MYH3: variants seen among roughly 807,000 people sequenced by gnomAD.
MYH3 encodes the protein myosin-3.
A neutral mutation model predicts 238.0 loss-of-function variants in MYH3; 130 were observed. The ratio of observed to expected loss-of-function variants is 0.55; its 90% CI spans 0.47 to 0.63. The LOEUF is 0.63. Among genes scored for constraint, MYH3 ranks in the 30% least tolerant of loss-of-function variants. MYH3 has a pLI of 0.00. For synonymous variants in MYH3, 880 were observed against 924.1 expected, an observed-to-expected ratio of 0.95 and a Z score of 0.86; for missense variants, 1,853 against 2,374.9, an observed-to-expected ratio of 0.78 and a Z score of 4.57.
chr17:10,652,512 C>A lies in MYH3; in HGVS notation c.256G>T (p.Asp86Tyr), dbSNP rs779714194. ...DVYAMNPPKF[D>Y]RIEDMAMLTH... ...AGCATGGCCATGTCTTCGATCCTGT[C>A]GAACTTGGGGGGGTTCATGGCGTAC... is the stretch of plus-strand genomic sequence containing the variant. Residue 86 changes from aspartate (D) to tyrosine (Y), a missense_variant, in exon 4 of 41, where the codon GAC becomes TAC. Physicochemically the swap from Asp to Tyr is radical, Grantham distance 160 (BLOSUM62 -3). This residue lies in a region of MYH3 where 131 missense variants were observed against 123.5 expected (regional missense o/e 1.06). Coordinates refer to ENST00000583535, the MANE Select transcript of MYH3 (RefSeq NM_002470.4). 6.2e-7 allele frequency: 1 copy of A among 1,609,826 alleles called. No homozygotes were observed. The highest frequency in any genetic ancestry group is 8.5e-7 in the Non-Finnish European group (1 of 1,178,030).
intron 4 of MYH3, 58 bp from the exon 5 acceptor site, chr17:10,651,726 C>A: frequency 6.3e-7 from 1 of 1,577,534 alleles, no homozygotes; most frequent in Non-Finnish European, 8.7e-7. Context: ...TGGAAAACCC[C>A]TTGCCTTTAT....
chr17:10,655,767 T>A (rs2074423102), intron 2 of MYH3, among the ~76,000 whole-genome samples: 1 of 152,140 alleles, frequency 6.6e-6, no homozygotes, highest in Admixed American at 6.5e-5. Flanking sequence ...TACTCCTGCC[T>A]CAGTCTCTTG....
chr17:10,640,044 C>A lies in MYH3; in HGVS notation c.2634G>T (p.Leu878=). Residue 878 remains leucine (L), a synonymous_variant, in exon 22 of 41, where the codon CTG becomes CTT. Coordinates refer to ENST00000583535, the MANE Select transcript of MYH3 (RefSeq NM_002470.4). The stretch of plus-strand genomic sequence containing the variant: ...CATTCTTCTCTTGGACCAGAGTCAC[C>A]AGTTTTTCCTCTAGCTCCTTCCTTT... ...EAKRKELEEK[L]VTLVQEKNDL... is the part of the protein sequence containing the mutation. 3.7e-6 allele frequency: 6 copies of A among 1,613,906 alleles called. No homozygotes were observed. The highest frequency in any genetic ancestry group is 5.1e-6 in the Non-Finnish European group (6 of 1,180,030).
At chr17:10,668,704 A>G in the MYH3 span, among the ~76,000 whole-genome samples, 3 of 152,204 alleles carry the variant, frequency 2.0e-5, no homozygotes, top group Non-Finnish European at 4.4e-5. Flanking sequence ...TTAGACTGAA[A>G]TATTTGGAGA....
upstream of MYH3, among the ~76,000 whole-genome samples, chr17:10,660,732 G>C (rs2074474844): frequency 6.6e-6 from 1 of 150,566 alleles, no homozygotes; most frequent in African/African-American, 2.5e-5. Flanking sequence ...TATAATCCCA[G>C]CACTTTGGGA....
intron 18 of MYH3, 35 bp downstream of exon 18, chr17:10,641,250 C>G: frequency 1.2e-6 from 2 of 1,610,810 alleles, no homozygotes; most frequent in Non-Finnish European, 8.5e-7. Flanking sequence ...TTCTTAAAAA[C>G]TGAGCACCAC....
chr17:10,633,809 T>C, intron 32 of MYH3, 94 bp from the exon 33 acceptor site: 1 of 1,566,800 alleles, frequency 6.4e-7, no homozygotes, highest in African/African-American at 1.4e-5. Context: ...CCTGGTTTAT[T>C]ATAATCCTAA....
chr17:10,667,331 G>A, the MYH3 span, among the ~76,000 whole-genome samples: 1 of 152,122 alleles, frequency 6.6e-6, no homozygotes, highest in Non-Finnish European at 1.5e-5. Flanking sequence ...TTATTGACAG[G>A]AGGCTAATTG....
intron 4 of MYH3, 34 bp downstream of exon 4, chr17:10,652,386 C>T (rs2074384926): frequency 1.2e-6 from 2 of 1,611,800 alleles, no homozygotes; most frequent in African/African-American, 1.3e-5. Flanking sequence ...ATATCTAATG[C>T]CCCAGGGAAA....
At chr17:10,653,173 T>C (rs972350428) in intron 3 of MYH3, among the ~76,000 whole-genome samples, 1 of 152,094 alleles carries the variant, frequency 6.6e-6, no homozygotes, top group African/African-American at 2.4e-5. Context: ...ATATGGGTGA[T>C]GGTGGCTGGG....
the MYH3 span, among the ~76,000 whole-genome samples, chr17:10,670,306 C>T: frequency 6.6e-6 from 1 of 152,358 alleles, no homozygotes; most frequent in East Asian, 1.9e-4. This position sits in a 1 kb window ranked among gnomAD's most constrained non-coding sequence, Gnocchi z 7.0. Context: ...CAGCACCCAA[C>T]ATTTGAGCCT....
At chr17:10,643,028 G>T (rs1169206141) in intron 14 of MYH3, 32 bp from the exon 15 acceptor site, 4 of 1,614,098 alleles carry the variant, frequency 2.5e-6, no homozygotes, top group African/African-American at 1.3e-5. Flanking sequence ...CATGTGAAAA[G>T]TTAGACTTCT....
At position 10,629,681 on chromosome 17, in the gene MYH3, C is replaced by T. The variant is rs764314073; in HGVS notation, c.5712G>A (p.Leu1904=). The stretch of plus-strand genomic sequence containing the variant: ...TATCCGCACGTTCCTCGGCCTCCTC[C>T]AGCTCATGCTGAGCCTTTCGGAATT... ...LTKFRKAQHE[L]EEAEERADIA... is the part of the protein sequence containing the mutation. Residue 1904 remains leucine (L), a synonymous_variant, in exon 40 of 41, where the codon CTG becomes CTA. Transcript: ENST00000583535. 4.3e-6 allele frequency: 7 copies of T among 1,614,228 alleles called. No homozygotes were observed. In the East Asian group the frequency reaches 1.3e-4, roughly 31 times the overall value.
chr17:10,644,921 T>A (rs1156822574), intron 12 of MYH3, among the ~76,000 whole-genome samples: 1 of 152,176 alleles, frequency 6.6e-6, no homozygotes, highest in Non-Finnish European at 1.5e-5. Flanking sequence ...CATCCCTCAC[T>A]GCATCTGAAA....
intron 28 of MYH3, among the ~76,000 whole-genome samples, chr17:10,636,593 C>T (rs1036361464): frequency 6.6e-6 from 1 of 151,956 alleles, no homozygotes; most frequent in Non-Finnish European, 1.5e-5. Context: ...CTTTATGGCT[C>T]CAGACGTGAA....
the MYH3 span, among the ~76,000 whole-genome samples, chr17:10,666,419 A>AACAAAAAAAAAACTT: frequency 7.3e-6 from 1 of 136,708 alleles, no homozygotes; most frequent in African/African-American, 2.7e-5. Context: ...GTCTCTACAA[A>AACAAAAAAAAAACTT]AAAAAACCAG....
the MYH3 span, among the ~76,000 whole-genome samples, chr17:10,664,308 T>C: frequency 6.6e-6 from 1 of 152,020 alleles, no homozygotes; most frequent in Non-Finnish European, 1.5e-5. Flanking sequence ...TAGCTACGAA[T>C]CCCAGAAGAG....
chr17:10,669,494 G>A, the MYH3 span, among the ~76,000 whole-genome samples: 3 of 151,468 alleles, frequency 2.0e-5, no homozygotes, highest in African/African-American at 7.3e-5. Flanking sequence ...TTGAACCTGG[G>A]AGATGGAGGT....
At chr17:10,646,591 C>A (rs764159293) in intron 10 of MYH3, among the ~76,000 whole-genome samples, 2 of 152,104 alleles carry the variant, frequency 1.3e-5, no homozygotes, top group African/African-American at 2.4e-5. Context: ...TGTTTCTGTG[C>A]CAGAACACAA....
Sources: gnomAD v4.1 joint callset for allele counts (sites outside exome capture counted in the v4.1 genomes callset) on GRCh38, gnomAD v4.1.1 for gene constraint, gnomAD v4.1.1 regional missense constraint, Gnocchi (gnomAD v3.1) non-coding constraint, MANE v1.5 for transcripts, NCBI Gene and HGNC (gene_info 2026-07-23, HGNC 2026-07-21) for gene names.